The following DPP6 variants were observed in gnomAD, a reference collection of about 807,000 sequenced individuals.
The protein encoded by DPP6 is A-type potassium channel modulatory protein DPP6.
In DPP6, 69 loss-of-function variants were observed where a neutral mutation model predicts 122.6. The observed-to-expected ratio is 0.56, with a 90% CI of 0.46 to 0.69. The LOEUF is 0.69. Ranked by LOEUF, DPP6 falls within the 30% of genes least tolerant of loss-of-function variation. The pLI is 0.00. For missense variants in DPP6, 928 were observed against 1,116.9 expected (o/e 0.83, Z 2.41); for synonymous variants, 418 against 433.1 (o/e 0.97, Z 0.43).
chr7:153,850,501 G>A, the DPP6 span, among the ~76,000 whole-genome samples: 1 of 152,084 alleles, frequency 6.6e-6, no homozygotes, highest in Non-Finnish European at 1.5e-5. Context: ...ATATTCTATT[G>A]GTTAGAAGGA....
intron 5 of DPP6, among the ~76,000 whole-genome samples, chr7:154,627,498 T>C (rs1007968035): frequency 1.2e-4 from 18 of 152,074 alleles, no homozygotes; most frequent in Admixed American, 8.5e-4. Context: ...ACGCCCGGCC[T>C]TTTTTCCTTT....
At chr7:154,124,327 G>T (rs1253425406) in intron 1 of DPP6, among the ~76,000 whole-genome samples, 2 of 152,246 alleles carry the variant, frequency 1.3e-5, no homozygotes, top group African/African-American at 4.8e-5. Flanking sequence ...AAGCCAAATG[G>T]GTGGAGAGCG....
intron 5 of DPP6, among the ~76,000 whole-genome samples, chr7:154,570,036 G>A (rs767912262): frequency 6.6e-5 from 10 of 151,870 alleles, no homozygotes; most frequent in Non-Finnish European, 1.2e-4. Flanking sequence ...GCACAGAGTA[G>A]TTCCGTATGT....
At chr7:154,825,254 T>C (rs1800064490) in intron 16 of DPP6, among the ~76,000 whole-genome samples, 1 of 152,212 alleles carries the variant, frequency 6.6e-6, no homozygotes, top group African/African-American at 2.4e-5. Context: ...CAGAAGTGGA[T>C]GTGCTTAAGT....
In DPP6 at chr7:154,860,550, GAT is replaced by G. The variant is rs575807624; in HGVS notation, c.1714+6724_1714+6725del. Among the ~76,000 whole-genome samples the G allele has an allele frequency of 2.9e-3, 440 of 152,336 alleles. 1 individual carries two copies. The highest frequency in any genetic ancestry group is 9.2e-3 in the African/African-American group (383 of 41,584). Reference sequence around the variant, plus strand: ...TGCCTCTGCAGGCCCTGCAGGGAGAGATGCACCTGGAAAGGGGCCGAAGAGCT... The same window carrying G: ...TGCCTCTGCAGGCCCTGCAGGGAGAGGCACCTGGAAAGGGGCCGAAGAGCT... On this transcript the variant is annotated intron_variant, in intron 17 of 25. Transcript: ENST00000377770.
rs192975747 is a variant in DPP6 at position 154,745,414 on chromosome 7, T to C, written c.883+17527T>C. 1.4e-4 allele frequency among the ~76,000 whole-genome samples: 21 copies of C among 152,314 alleles called. No individual in the cohort carries two copies. In the East Asian group the frequency reaches 3.9e-3, roughly 28 times the overall value. On this transcript the variant is annotated intron_variant, in intron 8 of 25. Transcript: ENST00000377770. ...AATAGAATTGCCAGAGTATCTAGCA[T>C]TCAGTAAATATTTATTAACTAGATA...
At chr7:154,667,844 G>A (rs6952853) in intron 6 of DPP6, among the ~76,000 whole-genome samples, 151,312 of 152,198 alleles carry the variant, frequency 0.99, 75,223 homozygotes, top group East Asian at 1. Context: ...GTTTCTAAGC[G>A]GCAATGTCTT....
intron 7 of DPP6, among the ~76,000 whole-genome samples, chr7:154,700,949 G>T (rs1482075731): frequency 6.6e-6 from 1 of 152,102 alleles, no homozygotes; most frequent in Non-Finnish European, 1.5e-5. Context: ...TCCAGCCCTT[G>T]CCCAAGGGCT....
At chr7:154,660,350 G>A (rs1243118814) in intron 6 of DPP6, among the ~76,000 whole-genome samples, 9 of 127,000 alleles carry the variant, frequency 7.1e-5, no homozygotes, top group South Asian at 2.6e-4. Flanking sequence ...TCACCATGGC[G>A]TATTGGCCGT....
intron 1 of DPP6, among the ~76,000 whole-genome samples, chr7:154,069,507 AT>A (rs1316424997): frequency 6.6e-6 from 1 of 151,348 alleles, no homozygotes; most frequent in Non-Finnish European, 1.5e-5. Flanking sequence ...CATTATTTAT[AT>A]TTTTTATTCT....
At chr7:154,709,212 T>A (rs2131296196) in intron 7 of DPP6, among the ~76,000 whole-genome samples, 1 of 152,200 alleles carries the variant, frequency 6.6e-6, no homozygotes, top group East Asian at 1.9e-4. Flanking sequence ...TGTGTATGTT[T>A]TGTAGAGACA....
the DPP6 span, among the ~76,000 whole-genome samples, chr7:153,862,479 C>T: frequency 6.6e-6 from 1 of 152,204 alleles, no homozygotes; most frequent in African/African-American, 2.4e-5. Context: ...TTCACATCAC[C>T]CAGAGCGGGC....
intron 17 of DPP6, among the ~76,000 whole-genome samples, chr7:154,859,493 G>C (rs1803148428): frequency 6.6e-6 from 1 of 152,206 alleles, no homozygotes; most frequent in African/African-American, 2.4e-5. Context: ...TCCTCTCCCA[G>C]CCCTGCTGTG....
At chr7:154,368,714 G>T (rs983203916) in intron 1 of DPP6, among the ~76,000 whole-genome samples, 1 of 152,148 alleles carries the variant, frequency 6.6e-6, no homozygotes, top group African/African-American at 2.4e-5. Flanking sequence ...AACATCGTTC[G>T]CAACAGTTGT....
At chr7:154,480,089 G>A (rs765780871) in intron 3 of DPP6, among the ~76,000 whole-genome samples, 2 of 149,078 alleles carry the variant, frequency 1.3e-5, no homozygotes, top group African/African-American at 2.5e-5. Flanking sequence ...AGATGCACTC[G>A]CTTCACTTAC....
At chr7:154,416,533 A>G (rs1276313386) in intron 1 of DPP6, among the ~76,000 whole-genome samples, 2 of 152,048 alleles carry the variant, frequency 1.3e-5, no homozygotes, top group Non-Finnish European at 2.9e-5. Context: ...AATTCTAAAA[A>G]TAAAATCTCT....
Position 154,285,367 on chromosome 7 carries a change from C to T in DPP6, c.244-160847C>T, listed in dbSNP as rs150089062. Among the ~76,000 whole-genome samples, 1,135 of 152,150 alleles carry T rather than the reference C, an allele frequency of 7.5e-3. 23 individuals carry two copies. Among genetic ancestry groups the T allele is most frequent in the African/African-American group, 0.026 (1,072 of 41,494 alleles). ...GCAACCTCCACCTCCCAGGTTCAAG[C>T]GATTCTCCTGCCTCAGCCTCCCAAG... On this transcript the variant is annotated intron_variant, in intron 1 of 25. Transcript: ENST00000377770.
Position 154,241,874 on chromosome 7 carries a change from C to G in DPP6, c.243+188811C>G, listed in dbSNP as rs559518074. ...GTCATCTCTGCTTTTCCACCCACCC[C>G]TACCCCAACACTCATCCTACTTACC... On this transcript the variant is annotated intron_variant, in intron 1 of 25. Transcript: ENST00000377770. The surrounding 1 kb of genome is among the most constrained non-coding windows in gnomAD (Gnocchi z 9.0). 1.3e-5 allele frequency among the ~76,000 whole-genome samples: 2 copies of G among 152,224 alleles called. No individual in the cohort carries two copies. Among genetic ancestry groups the G allele is most frequent in the East Asian group, 1.9e-4 (1 of 5,192 alleles).
intron 16 of DPP6, among the ~76,000 whole-genome samples, chr7:154,828,848 T>C (rs1800397193): frequency 6.6e-6 from 1 of 152,196 alleles, no homozygotes; most frequent in Admixed American, 6.5e-5. Flanking sequence ...CTGACTTTTG[T>C]TTCAGAGTCA....
Sources: allele counts gnomAD v4.1 joint callset (sites outside exome capture counted in the v4.1 genomes callset), GRCh38; gene constraint gnomAD v4.1.1; non-coding constraint Gnocchi (gnomAD v3.1); transcripts MANE v1.5; gene names NCBI Gene and HGNC (gene_info 2026-07-23, HGNC 2026-07-21).